ANOS1: variants seen among roughly 807,000 people sequenced by gnomAD.
The protein encoded by ANOS1 is anosmin 1, also known as anosmin-1.
A neutral mutation model predicts 59.0 loss-of-function variants in ANOS1; 6 were observed. The ratio of observed to expected loss-of-function variants is 0.10; its 90% CI spans 0.06 to 0.20. The LOEUF (loss-of-function observed/expected upper bound fraction) is 0.20, where lower values mean the gene tolerates loss of function less well. Ranked by LOEUF, ANOS1 falls within the 10% of genes least tolerant of loss-of-function variation. The pLI is 1.00. For synonymous variants in ANOS1, 217 were observed against 223.4 expected (o/e 0.97, Z 0.25); for missense variants, 433 against 542.3 (o/e 0.80, Z 2.00).
At chrX:8,579,981 C>T (rs1930394330) in intron 6 of ANOS1, among the ~76,000 whole-genome samples, 1 of 112,387 alleles carries the variant, frequency 8.9e-6, no homozygotes, top group African/African-American at 3.2e-5. Flanking sequence ...AAAGCCTTCA[C>T]TTGGATCAGG....
intron 2 of ANOS1, among the ~76,000 whole-genome samples, chrX:8,628,832 G>A (rs1228577150): frequency 1.8e-5 from 2 of 112,210 alleles, no homozygotes; most frequent in African/African-American, 3.2e-5. Flanking sequence ...ATATGTCATC[G>A]TTTGGCAGGT....
At chrX:8,670,768 T>C (rs759917006) in intron 2 of ANOS1, among the ~76,000 whole-genome samples, 2 of 111,750 alleles carry the variant, frequency 1.8e-5, no homozygotes, top group Admixed American at 9.5e-5. Context: ...AAACTTATTA[T>C]GCCCAAAATG....
intron 2 of ANOS1, among the ~76,000 whole-genome samples, chrX:8,631,120 T>C (rs908566171): frequency 2.7e-5 from 3 of 111,980 alleles, no homozygotes; most frequent in African/African-American, 9.7e-5. Context: ...CGGAACTGAG[T>C]GCTTAACACA....
chrX:8,542,859 G>T (rs1929710668), intron 9 of ANOS1, among the ~76,000 whole-genome samples: 1 of 107,309 alleles, frequency 9.3e-6, no homozygotes, highest in Non-Finnish European at 1.9e-5. Flanking sequence ...CCCATCTCAA[G>T]GTTGGCTTTG....
At chrX:8,710,870 A>G (rs1569088528) in intron 1 of ANOS1, among the ~76,000 whole-genome samples, 1 of 112,229 alleles carries the variant, frequency 8.9e-6, no homozygotes, top group Non-Finnish European at 1.9e-5. Context: ...TCAAAACCAG[A>G]AGAGAAAAAC....
At chrX:8,641,760 T>G (rs934383329) in intron 2 of ANOS1, among the ~76,000 whole-genome samples, 34 of 112,135 alleles carry the variant, frequency 3.0e-4, no homozygotes, top group African/African-American at 1.1e-3. Context: ...GTTTAGGTAG[T>G]CTGCTCATCT....
At chrX:8,536,188 CTTTTTTTTTTTTT>C in intron 11 of ANOS1, among the ~76,000 whole-genome samples, 1 of 31,891 alleles carries the variant, frequency 3.1e-5, no homozygotes, top group South Asian at 1.8e-3. Context: ...AAATCCGAAG[CTTTTTTTTTTTTT>C]TTTTTTTTTT....
intron 3 of ANOS1, among the ~76,000 whole-genome samples, chrX:8,603,199 A>T (rs1259911558): frequency 8.9e-6 from 1 of 112,518 alleles, no homozygotes; most frequent in Non-Finnish European, 1.9e-5. Context: ...AGTGATTAAT[A>T]GTATCTAATG....
chrX:8,568,108 G>T, intron 8 of ANOS1, 124 bp downstream of exon 8: 5 of 672,954 alleles, frequency 7.4e-6, no homozygotes, highest in Non-Finnish European at 1.2e-5. Context: ...ACATGCATGT[G>T]GGTAAGAAGA....
chrX:8,683,922 CA>C (rs1471407326), intron 2 of ANOS1, among the ~76,000 whole-genome samples: 4 of 111,631 alleles, frequency 3.6e-5, no homozygotes, highest in Non-Finnish European at 1.9e-5. Context: ...TGGGAGATGT[CA>C]CCCTTCTGAT....
chrX:8,560,446 T>G (rs1271683657), intron 8 of ANOS1, among the ~76,000 whole-genome samples: 3 of 112,337 alleles, frequency 2.7e-5, no homozygotes, highest in Non-Finnish European at 5.6e-5. Flanking sequence ...ATTTTGGTTT[T>G]GCAGACTGGT....
intron 2 of ANOS1, among the ~76,000 whole-genome samples, chrX:8,624,305 T>C (rs1931354536): frequency 9.0e-6 from 1 of 111,624 alleles, no homozygotes; most frequent in South Asian, 3.8e-4. Context: ...CGTGAGCCAC[T>C]GCGCCCAGCC....
At chrX:8,550,375 T>C (rs930958819) in intron 9 of ANOS1, among the ~76,000 whole-genome samples, 2 of 111,981 alleles carry the variant, frequency 1.8e-5, no homozygotes, top group African/African-American at 6.5e-5. Flanking sequence ...GCATACCATG[T>C]TTGTAGATTG....
chrX:8,649,097 G>A (rs1192726428), intron 2 of ANOS1, among the ~76,000 whole-genome samples: 9 of 111,420 alleles, frequency 8.1e-5, no homozygotes, highest in Non-Finnish European at 1.1e-4. Flanking sequence ...CACTACCCTC[G>A]TCTACAGCTC....
At chrX:8,625,009 T>C (rs1222747226) in intron 2 of ANOS1, among the ~76,000 whole-genome samples, 1 of 110,466 alleles carries the variant, frequency 9.1e-6, no homozygotes, top group Non-Finnish European at 1.9e-5. Flanking sequence ...CTCGGAAGAC[T>C]GAGGCAGGAG....
At chrX:8,674,870 G>A (rs1932311673) in intron 2 of ANOS1, among the ~76,000 whole-genome samples, 1 of 111,743 alleles carries the variant, frequency 8.9e-6, no homozygotes, top group African/African-American at 3.3e-5. Flanking sequence ...AGGAACCACA[G>A]AGAAGCTCCA....
intron 2 of ANOS1, among the ~76,000 whole-genome samples, chrX:8,687,967 T>C (rs866259439): frequency 5.3e-5 from 6 of 112,214 alleles, no homozygotes; most frequent in Admixed American, 1.9e-4. Context: ...GTTTCCAAAG[T>C]AGACTACGCA....
intron 2 of ANOS1, among the ~76,000 whole-genome samples, chrX:8,681,879 T>C (rs775413857): frequency 5.4e-5 from 6 of 111,930 alleles, no homozygotes; most frequent in Non-Finnish European, 7.5e-5. Context: ...AAAGTTACTA[T>C]CAACATATTT....
chrX:8,646,551 T>G (rs1310252516), intron 2 of ANOS1, among the ~76,000 whole-genome samples: 2 of 111,151 alleles, frequency 1.8e-5, no homozygotes. Flanking sequence ...GAAAGCTTCA[T>G]GTATTTTGTA....
Sources: allele counts gnomAD v4.1 joint callset (sites outside exome capture counted in the v4.1 genomes callset), GRCh38; gene constraint gnomAD v4.1.1; transcripts MANE v1.5; gene names NCBI Gene and HGNC (gene_info 2026-07-23, HGNC 2026-07-21).